MYRIP: variants seen among roughly 807,000 people sequenced by gnomAD.
MYRIP encodes myosin VIIA and Rab interacting protein, also known as rab effector MyRIP.
A neutral mutation model predicts 98.0 loss-of-function variants in MYRIP; 49 were observed. The ratio of observed to expected loss-of-function variants is 0.50; its 90% CI spans 0.40 to 0.63. MYRIP has a LOEUF of 0.63. Ranked by LOEUF, MYRIP falls within the 30% of genes least tolerant of loss-of-function variation. MYRIP has a pLI of 0.00. For synonymous variants in MYRIP, 404 were observed against 409.5 expected (o/e 0.99, Z 0.16); for missense variants, 1,004 against 1,058.2 (o/e 0.95, Z 0.71).
intron 3 of MYRIP, among the ~76,000 whole-genome samples, chr3:40,119,238 C>T (rs1209226122): frequency 6.6e-6 from 1 of 152,032 alleles, no homozygotes; most frequent in African/African-American, 2.4e-5. Context: ...CTCTCCAGCA[C>T]CTGTTGTTTC....
intron 1 of MYRIP, among the ~76,000 whole-genome samples, chr3:39,815,995 C>T (rs1276182032): frequency 6.8e-6 from 1 of 146,754 alleles, no homozygotes; most frequent in East Asian, 2.0e-4. Context: ...ATTTTGTTTT[C>T]CTTCCAAAGT....
intron 9 of MYRIP, among the ~76,000 whole-genome samples, chr3:40,184,938 A>G (rs1209895964): frequency 6.6e-6 from 1 of 152,166 alleles, no homozygotes; most frequent in Non-Finnish European, 1.5e-5. Context: ...TGGGTGGAAA[A>G]CTTCTGGTTT....
At chr3:39,842,258 G>A (rs140264906) in intron 1 of MYRIP, among the ~76,000 whole-genome samples, 146 of 152,254 alleles carry the variant, frequency 9.6e-4, no homozygotes, top group East Asian at 7.9e-3. Flanking sequence ...CGTTTATACT[G>A]TAAGGGGAAA....
At chr3:39,994,788 C>G (rs576562371) in intron 2 of MYRIP, among the ~76,000 whole-genome samples, 1 of 152,194 alleles carries the variant, frequency 6.6e-6, no homozygotes, top group African/African-American at 2.4e-5. Flanking sequence ...AGGCACCCCC[C>G]AGTAGGGGCA....
At chr3:39,842,880 C>A (rs1160043405) in intron 1 of MYRIP, among the ~76,000 whole-genome samples, 1 of 152,238 alleles carries the variant, frequency 6.6e-6, no homozygotes, top group Non-Finnish European at 1.5e-5. Context: ...TCTCTGGGAG[C>A]TGCAGACTGG....
intron 1 of MYRIP, among the ~76,000 whole-genome samples, chr3:39,857,710 T>C (rs927259628): frequency 2.0e-5 from 3 of 152,168 alleles, no homozygotes; most frequent in African/African-American, 7.2e-5. Flanking sequence ...GGATACAGAA[T>C]ATGACAAAAG....
chr3:39,937,223 C>A (rs981752356), intron 2 of MYRIP, among the ~76,000 whole-genome samples: 4 of 152,192 alleles, frequency 2.6e-5, no homozygotes, highest in Non-Finnish European at 5.9e-5. Flanking sequence ...CTAGGGATGA[C>A]CTGTCTGAGA....
In MYRIP at chr3:40,190,188, C is replaced by T. The variant is rs201714577; in HGVS notation, c.1390C>T (p.Arg464Ter). The T allele has an allele frequency of 1.2e-5, 19 of 1,614,056 alleles. No homozygotes were observed. The highest frequency in any genetic ancestry group is 2.2e-5 in the East Asian group (1 of 44,864). ...GGAGACCTCCTCCGCAGGCTCTTCC[C>T]GAGAAGTTGGGCACCAGGCCAGACT... ...DSETSSAGSSREVGHQARLSW... is the reference protein window; with the variant it reads ...DSETSSAGSS The change falls in exon 10 of 17, where the codon CGA becomes TGA. Residue 464 changes from arginine to a stop codon, truncating the protein, a stop_gained. Transcript: ENST00000302541. LOFTEE classifies it high-confidence loss of function.
At chr3:40,219,769 A>G (rs943550326) in intron 11 of MYRIP, among the ~76,000 whole-genome samples, 11 of 151,984 alleles carry the variant, frequency 7.2e-5, no homozygotes, top group African/African-American at 1.7e-4. Context: ...AGTCTTTGCT[A>G]TTGTGAATAG....
intron 2 of MYRIP, among the ~76,000 whole-genome samples, chr3:39,996,279 A>G (rs1016454800): frequency 2.2e-4 from 33 of 152,338 alleles, no homozygotes; most frequent in African/African-American, 7.2e-4. Flanking sequence ...TGCTGTATTC[A>G]GGAAACCCAT....
At chr3:39,967,034 C>T (rs1176340302) in intron 2 of MYRIP, among the ~76,000 whole-genome samples, 3 of 152,178 alleles carry the variant, frequency 2.0e-5, no homozygotes, top group East Asian at 3.8e-4. Flanking sequence ...AGTTTTCTCA[C>T]CTTAAAATAA....
intron 2 of MYRIP, among the ~76,000 whole-genome samples, chr3:39,911,888 A>C (rs964833229): frequency 1.3e-5 from 2 of 152,190 alleles, no homozygotes; most frequent in African/African-American, 2.4e-5. Context: ...TTCTGAAGCC[A>C]ACAGATCCAC....
At chr3:39,819,427 A>G (rs1186228045) in intron 1 of MYRIP, among the ~76,000 whole-genome samples, 1 of 152,154 alleles carries the variant, frequency 6.6e-6, no homozygotes, top group Non-Finnish European at 1.5e-5. Context: ...TTTAATGAGG[A>G]CAGACTACAA....
In MYRIP at chr3:40,044,248, C is replaced by T. The variant is rs754909389; in HGVS notation, c.309C>T (p.Val103=). 6.2e-7 allele frequency: 1 copy of T among 1,614,182 alleles called. No individual in the cohort carries two copies. Among genetic ancestry groups the T allele is most frequent in the East Asian group, 2.2e-5 (1 of 44,870 alleles). The change falls in exon 3 of 17, where the codon GTC becomes GTT. Residue 103 remains valine, a synonymous_variant. Transcript: ENST00000302541. ...ACCAGAAGCACGAAAAGGCCTGGGT[C>T]TGCTGCGTCTGCCAGCAAGCGAGGT... The part of the protein sequence containing the change: ...CSYQKHEKAW[V]CCVCQQARLL...
At chr3:40,095,991 T>G (rs1948823176) in intron 3 of MYRIP, among the ~76,000 whole-genome samples, 1 of 151,538 alleles carries the variant, frequency 6.6e-6, no homozygotes, top group Non-Finnish European at 1.5e-5. Flanking sequence ...TCTCTCACTC[T>G]CATGCACACT....
At chr3:40,224,520 C>G (rs1952435862) in intron 11 of MYRIP, among the ~76,000 whole-genome samples, 1 of 152,118 alleles carries the variant, frequency 6.6e-6, no homozygotes, top group Non-Finnish European at 1.5e-5. Context: ...AAAGGTGATG[C>G]CCCCATTTCC....
chr3:40,097,200 C>T (rs1018152548), intron 3 of MYRIP, among the ~76,000 whole-genome samples: 1 of 152,160 alleles, frequency 6.6e-6, no homozygotes, highest in Non-Finnish European at 1.5e-5. Flanking sequence ...ACTCACCTAC[C>T]CTCACAACAA....
intron 4 of MYRIP, among the ~76,000 whole-genome samples, chr3:40,160,243 G>A (rs908709615): frequency 2.6e-5 from 4 of 152,208 alleles, no homozygotes; most frequent in African/African-American, 9.7e-5. Context: ...GTCTGTTGGA[G>A]TACCCAGCTG....
At chr3:40,206,580 A>T (rs917267662) in intron 10 of MYRIP, among the ~76,000 whole-genome samples, 5 of 152,154 alleles carry the variant, frequency 3.3e-5, no homozygotes, top group Admixed American at 2.6e-4. Flanking sequence ...TCAACCAACC[A>T]GATGAGGGCC....
Sources: allele counts gnomAD v4.1 joint callset (sites outside exome capture counted in the v4.1 genomes callset), GRCh38; gene constraint gnomAD v4.1.1; transcripts MANE v1.5; gene names NCBI Gene and HGNC (gene_info 2026-07-23, HGNC 2026-07-21).